NCKAP5: variants seen among roughly 807,000 people sequenced by gnomAD.
NCKAP5 encodes the protein nck-associated protein 5.
In NCKAP5, 92 loss-of-function variants were observed where a neutral mutation model predicts 167.0. That is an observed-to-expected ratio of 0.55 (90% CI 0.47 to 0.66). The LOEUF (loss-of-function observed/expected upper bound fraction) is 0.66. NCKAP5 is among the 30% of genes least tolerant of loss of function. NCKAP5 has a pLI of 0.00. For synonymous variants in NCKAP5, 891 were observed against 877.4 expected, an observed-to-expected ratio of 1.02 and a Z score of -0.27; for missense variants, 2,378 against 2,315.0, an observed-to-expected ratio of 1.03 and a Z score of -0.56.
intron 3 of NCKAP5, among the ~76,000 whole-genome samples, chr2:133,385,141 C>G (rs571297177): frequency 0.042 from 6,387 of 152,156 alleles, 403 homozygotes; most frequent in African/African-American, 0.14. Context: ...CAAAGGGAAT[C>G]CTTCCAGTTT....
intron 2 of NCKAP5, among the ~76,000 whole-genome samples, chr2:133,528,328 T>C (rs1208840884): frequency 6.6e-6 from 1 of 152,116 alleles, no homozygotes; most frequent in East Asian, 1.9e-4. Context: ...CTGGGCCTTT[T>C]TTTTTTTCCC....
At chr2:132,736,778 C>T (rs543448423) in intron 16 of NCKAP5, among the ~76,000 whole-genome samples, 10 of 152,024 alleles carry the variant, frequency 6.6e-5, no homozygotes, top group Admixed American at 1.3e-4. Flanking sequence ...AGTGAGACTC[C>T]GTCTCAAAAC....
chr2:133,518,477 C>T (rs1684207951), intron 2 of NCKAP5, among the ~76,000 whole-genome samples: 1 of 150,570 alleles, frequency 6.6e-6, no homozygotes, highest in African/African-American at 2.4e-5. Flanking sequence ...GCCTCAGCCT[C>T]CCGAGTAGCT....
chr2:132,869,409 A>G (rs114679759), intron 9 of NCKAP5, among the ~76,000 whole-genome samples: 106 of 152,280 alleles, frequency 7.0e-4, no homozygotes, highest in African/African-American at 2.5e-3. Flanking sequence ...TATTACTTGC[A>G]ATAGAGATAG....
intron 3 of NCKAP5, among the ~76,000 whole-genome samples, chr2:133,469,310 C>A (rs1692857768): frequency 6.6e-6 from 1 of 151,802 alleles, no homozygotes; most frequent in Non-Finnish European, 1.5e-5. Context: ...GTTGAAAATT[C>A]TTTTCTTTAA....
At chr2:133,299,753 G>GTCAA (rs775851739) in intron 4 of NCKAP5, among the ~76,000 whole-genome samples, 1 of 152,074 alleles carries the variant, frequency 6.6e-6, no homozygotes, top group Non-Finnish European at 1.5e-5. Flanking sequence ...CTCTGTCTCA[G>GTCAA]TCAATCAATC....
In NCKAP5 at chr2:133,137,319, AGCCAAGTATATATCT is replaced by A. The variant is rs1435464398; in HGVS notation, c.208-7223_208-7209del. Among the ~76,000 whole-genome samples the A allele has an allele frequency of 3.3e-5, 5 of 152,312 alleles. No individual in the cohort carries two copies. In the East Asian group the frequency reaches 9.6e-4, roughly 29 times the overall value. On this transcript the variant is annotated intron_variant, in intron 5 of 19. Transcript: ENST00000409261. ...GATTTTGAGATGCAAGGATAGAAAC[AGCCAAGTATATATCT>A]GCAGTGCTGATAACATCACCCAAGA...
At chr2:133,650,063 T>A in the NCKAP5 span, among the ~76,000 whole-genome samples, 3 of 152,126 alleles carry the variant, frequency 2.0e-5, no homozygotes, top group Admixed American at 1.3e-4. Context: ...TGTGTTTCAA[T>A]ACACTAACAG....
intron 8 of NCKAP5, among the ~76,000 whole-genome samples, chr2:132,922,850 T>G (rs1695549824): frequency 6.6e-6 from 1 of 152,218 alleles, no homozygotes; most frequent in Non-Finnish European, 1.5e-5. Flanking sequence ...TTCCAGTTCT[T>G]TTAACTTCTG....
chr2:133,241,821 A>T (rs1207040468), intron 4 of NCKAP5, among the ~76,000 whole-genome samples: 2 of 152,138 alleles, frequency 1.3e-5, no homozygotes, highest in African/African-American at 4.8e-5. Flanking sequence ...GATATTTTGC[A>T]TATTAAAAGT....
chr2:133,123,283 C>G (rs1271148357), intron 6 of NCKAP5: 1 of 152,370 alleles, frequency 6.6e-6, no homozygotes, highest in Non-Finnish European at 1.5e-5. Flanking sequence ...GAGCCGAAAA[C>G]AGCCTTTCTT....
intron 6 of NCKAP5, chr2:133,123,650 G>A: frequency 2.6e-6 from 1 of 380,694 alleles, no homozygotes; most frequent in East Asian, 7.5e-5. Flanking sequence ...GGAGGAGCAA[G>A]GCACTCAGGA....
At chr2:133,673,730 C>T in the NCKAP5 span, among the ~76,000 whole-genome samples, 4 of 152,182 alleles carry the variant, frequency 2.6e-5, no homozygotes, top group Admixed American at 2.0e-4. Context: ...TGGAAAGTCT[C>T]AGCTTGGCAT....
chr2:133,018,322 AG>A (rs1369205367), intron 6 of NCKAP5, among the ~76,000 whole-genome samples: 2 of 152,192 alleles, frequency 1.3e-5, no homozygotes, highest in Non-Finnish European at 2.9e-5. Flanking sequence ...TTTGGTTTAA[AG>A]TTATGACCCA....
At chr2:132,790,369 C>T (rs1382179396) in intron 12 of NCKAP5, among the ~76,000 whole-genome samples, 164 bp from the exon 13 acceptor site, 1 of 152,144 alleles carries the variant, frequency 6.6e-6, no homozygotes, top group Admixed American at 6.5e-5. Flanking sequence ...AAAATGTACT[C>T]AGTACACCTA....
At chr2:133,102,888 T>C (rs1179238279) in intron 6 of NCKAP5, among the ~76,000 whole-genome samples, 1 of 151,486 alleles carries the variant, frequency 6.6e-6, no homozygotes, top group Non-Finnish European at 1.5e-5. Context: ...AGAGCTGGAT[T>C]CAAGTCCCGT....
At position 132,671,859 on chromosome 2, in the gene NCKAP5, G is replaced by T. The variant is rs372772807; in HGVS notation, c.*1430C>A. On this transcript the variant is annotated 3_prime_UTR_variant, in exon 20 of 20. Coordinates refer to ENST00000409261, the MANE Select transcript of NCKAP5 (RefSeq NM_207363.3). ...CAAAAAGATTTTTTAAAGTCTGAAA[G>T]ACAAGGACATTTTACATAATTTTCA... is the stretch of plus-strand genomic sequence containing the variant. 1.6e-4 allele frequency: 25 copies of T among 152,716 alleles called. No individual in the cohort carries two copies. In the East Asian group the frequency reaches 1.9e-3, roughly 12 times the overall value. 9.5% of individuals were successfully genotyped at this position (152,716 alleles called of 1,614,324 possible).
chr2:132,743,218 T>C (rs1679354186), intron 16 of NCKAP5, among the ~76,000 whole-genome samples: 1 of 151,782 alleles, frequency 6.6e-6, no homozygotes, highest in African/African-American at 2.4e-5. Context: ...GACTGAAACA[T>C]AGATGGAATA....
chr2:133,397,011 A>G (rs757927397), intron 3 of NCKAP5, among the ~76,000 whole-genome samples: 4 of 152,220 alleles, frequency 2.6e-5, no homozygotes, highest in Non-Finnish European at 5.9e-5. Context: ...TTCTGTAAAT[A>G]TGTAAGGACA....
Sources: allele counts gnomAD v4.1 joint callset (sites outside exome capture counted in the v4.1 genomes callset), GRCh38; gene constraint gnomAD v4.1.1; transcripts MANE v1.5; gene names NCBI Gene and HGNC (gene_info 2026-07-23, HGNC 2026-07-21).